Variants in TMED1 observed in about 807,000 individuals in gnomAD.
The protein encoded by TMED1 is transmembrane p24 trafficking protein 1.
TMED1 carries 20 observed loss-of-function variants against 21.2 expected under a neutral mutation model. That is an observed-to-expected ratio of 0.95 (90% CI 0.67 to 1.37). The LOEUF is 1.37. Among genes scored for constraint, TMED1 ranks in the 40% most tolerant of loss-of-function variants. The probability of loss-of-function intolerance (pLI) is 0.00; values close to 1 mark genes in which losing one functional copy is unlikely to be tolerated. For synonymous variants in TMED1, 149 were observed against 134.7 expected (o/e 1.11, Z -0.74); for missense variants, 316 against 309.8 (o/e 1.02, Z -0.15).
Position 10,835,271 on chromosome 19 carries a change from G to T in TMED1, c.266C>A (p.Ala89Asp), listed in dbSNP as rs201353550. Residue 89 changes from alanine (A) to aspartate (D), a missense_variant, in exon 2 of 4, where the codon GCT (alanine) becomes GAT (aspartate). By Grantham distance (126) the Ala-to-Asp change is moderately radical. Coordinates refer to ENST00000214869, the MANE Select transcript of TMED1 (RefSeq NM_006858.4). ...GVLLVSESRK[A>D]DGVHTVEPTE... ...CTGAACTCACGTGTGTACCCCATCA[G>T]CCTTGCGGGACTCGCTGACCAACAG... The T allele has an allele frequency of 2.5e-6, 4 of 1,614,128 alleles. No individual in the cohort carries two copies. The highest frequency in any genetic ancestry group is 3.4e-6 in the Non-Finnish European group (4 of 1,180,026).
At chr19:10,834,454 CTTTTTTT>C (rs769963664) in intron 3 of TMED1, among the ~76,000 whole-genome samples, 7 of 119,652 alleles carry the variant, frequency 5.9e-5, no homozygotes, top group African/African-American at 1.2e-4. Flanking sequence ...AAATGAACTA[CTTTTTTT>C]TTTTTTTTTT....
In TMED1 at chr19:10,832,192, A is replaced by T; in HGVS notation, c.*803T>A. On this transcript the variant is annotated 3_prime_UTR_variant, in exon 4 of 4. Transcript: ENST00000214869. ...GGTGAAGCGGGGACCCCAGCGCTCC[A>T]CCCCCTTCCTACCCTCAGGCCCTGC... The T allele has an allele frequency of 1.0e-6, 1 of 975,884 alleles. No individual in the cohort carries two copies. The highest frequency in any genetic ancestry group is 1.4e-6 in the Non-Finnish European group (1 of 705,182). 60.5% of individuals were successfully genotyped at this position (975,884 alleles called of 1,614,324 possible). A position where few individuals can be genotyped will look rare whatever the true frequency, so the allele number is the denominator to read the frequency against.
chr19:10,832,520 C>A lies in TMED1; in HGVS notation c.*475G>T. On this transcript the variant is annotated 3_prime_UTR_variant, in exon 4 of 4. Coordinates refer to ENST00000214869, the MANE Select transcript of TMED1 (RefSeq NM_006858.4). ...TAGGAGGCTTCTGCCTAGACTTTGGCCGGGCCATCCCTCATGCCTGTGTGG... is the reference window on the plus strand; with the variant it reads ...TAGGAGGCTTCTGCCTAGACTTTGGACGGGCCATCCCTCATGCCTGTGTGG... 1 of 562,196 alleles carries A rather than the reference C, an allele frequency of 1.8e-6. No homozygotes were observed. The highest frequency in any genetic ancestry group is 2.8e-6 in the Non-Finnish European group (1 of 355,018). The allele number at this position is 562,196 out of a possible 1,614,324, so 34.8% of individuals were successfully genotyped here.
rs1442471583 is a variant in TMED1 at position 10,832,920 on chromosome 19, G to A, written c.*75C>T. The stretch of plus-strand genomic sequence containing the variant: ...CGTTTTGGCAGGAAACTAAAATTGG[G>A]GAGGGACCCCCAAGTCTCATATGCA... On this transcript the variant is annotated 3_prime_UTR_variant, in exon 4 of 4. Coordinates refer to ENST00000214869, the MANE Select transcript of TMED1 (RefSeq NM_006858.4). The A allele has an allele frequency of 6.5e-7, 1 of 1,540,736 alleles. No homozygotes were observed. The highest frequency in any genetic ancestry group is 1.1e-5 in the South Asian group (1 of 87,230).
chr19:10,835,930 T>C, intron 1 of TMED1, 79 bp downstream of exon 1: 1 of 1,479,316 alleles, frequency 6.8e-7, no homozygotes, highest in South Asian at 1.3e-5. Flanking sequence ...CCCTTCCTCC[T>C]AAAGCGCGCC....
intron 1 of TMED1, chr19:10,835,607 C>T: frequency 1.4e-6 from 2 of 1,415,778 alleles, no homozygotes; most frequent in Non-Finnish European, 1.8e-6. Context: ...GTTTACCTGA[C>T]CACGCCCCTG....
chr19:10,835,837 C>G, intron 1 of TMED1, 172 bp downstream of exon 1: 1 of 982,230 alleles, frequency 1.0e-6, no homozygotes, highest in Non-Finnish European at 1.2e-6. Context: ...ACTCCCTCCC[C>G]TTCCGCTCCC....
chr19:10,834,855 G>C, intron 3 of TMED1, 79 bp downstream of exon 3: 1 of 1,497,072 alleles, frequency 6.7e-7, no homozygotes, highest in Non-Finnish European at 9.1e-7. Context: ...CGGAGGGGAG[G>C]CTGGGTCAGC....
rs764948140 is a variant in TMED1 at position 10,835,309 on chromosome 19, G to A, written c.228C>T (p.Ser76=). Residue 76 remains serine (S), a synonymous_variant, in exon 2 of 4, where the codon AGC becomes AGT. Transcript: ENST00000214869. ...AGLDVDFTLE[S]PQGVLLVSES... is the part of the protein sequence containing the mutation. The stretch of plus-strand genomic sequence containing the variant: ...CGCTGACCAACAGCACGCCCTGAGG[G>A]CTCTCCAGCGTGAAGTCCACGTCCA... The A allele has an allele frequency of 1.2e-6, 2 of 1,613,900 alleles. No homozygotes were observed. Among genetic ancestry groups the A allele is most frequent in the Non-Finnish European group, 1.7e-6 (2 of 1,179,942 alleles).
chr19:10,834,927 G>A lies in TMED1; in HGVS notation c.465+7C>T. On this transcript the variant is annotated splice_region_variant and intron_variant, in intron 3 of 3. Coordinates refer to ENST00000214869, the MANE Select transcript of TMED1 (RefSeq NM_006858.4). The stretch of plus-strand genomic sequence containing the variant: ...GAAGGAGTGGCCCCAGCGCAGCCTG[G>A]ACACACCTTGATGTCCTCCATTTTA... 1.2e-6 allele frequency: 2 copies of A among 1,612,942 alleles called. No homozygotes were observed. The highest frequency in any genetic ancestry group is 1.7e-6 in the Non-Finnish European group (2 of 1,179,306).
At chr19:10,833,274 A>T (rs2073383285) in intron 3 of TMED1, 61 bp from the exon 4 acceptor site, 1 of 1,420,084 alleles carries the variant, frequency 7.0e-7, no homozygotes, top group Middle Eastern at 1.8e-4. Context: ...AGCAGAGACC[A>T]AAAAAACCGG....
At position 10,833,231 on chromosome 19, in the gene TMED1, G is replaced by A. The variant is rs752250165; in HGVS notation, c.466-18C>T. 1 of 1,594,706 alleles carries A rather than the reference G, an allele frequency of 6.3e-7. No homozygotes were observed. The highest frequency in any genetic ancestry group is 8.5e-7 in the Non-Finnish European group (1 of 1,171,976). On this transcript the variant is annotated intron_variant, in intron 3 of 3. Transcript: ENST00000214869. ...ATGGACTCCTACAGGGCAGCGGGAG[G>A]GGAAGGGTCAGGCCTCCCTCCACCC...
chr19:10,832,839 G>T lies in TMED1; in HGVS notation c.*156C>A. 3.8e-6 allele frequency: 3 copies of T among 796,924 alleles called. No homozygotes were observed. The highest frequency in any genetic ancestry group is 3.4e-5 in the African/African-American group (2 of 58,108). 49.4% of individuals were successfully genotyped at this position (796,924 alleles called of 1,614,324 possible). On this transcript the variant is annotated 3_prime_UTR_variant, in exon 4 of 4. Coordinates refer to ENST00000214869, the MANE Select transcript of TMED1 (RefSeq NM_006858.4). Reference sequence around the variant, plus strand: ...TACAAGCCAGAGGTGTTCCCTGCCCGCTGAGGACGGAAGGAGACTCATGGG... The same window carrying T: ...TACAAGCCAGAGGTGTTCCCTGCCCTCTGAGGACGGAAGGAGACTCATGGG...
rs999889994 is a variant in TMED1, at chr19:10,832,428, C to T, written c.*567G>A. The T allele has an allele frequency of 1.8e-6, 2 of 1,139,276 alleles. No individual in the cohort carries two copies. The highest frequency in any genetic ancestry group is 2.3e-6 in the Non-Finnish European group (2 of 855,932). 70.6% of individuals were successfully genotyped at this position (1,139,276 alleles called of 1,614,324 possible). ...GCTGGTGTCCCTGAGCCCCAATCAG[C>T]AGGCTCTTGTGATTTTCTGACCATA... On this transcript the variant is annotated 3_prime_UTR_variant, in exon 4 of 4. Coordinates refer to ENST00000214869, the MANE Select transcript of TMED1 (RefSeq NM_006858.4).
chr19:10,832,260 G>A lies in TMED1; in HGVS notation c.*735C>T, dbSNP rs1378828880. 1 of 1,288,216 alleles carries A rather than the reference G, an allele frequency of 7.8e-7. No individual in the cohort carries two copies. Among genetic ancestry groups the A allele is most frequent in the Non-Finnish European group, 1.0e-6 (1 of 987,498 alleles). 79.8% of individuals were successfully genotyped at this position (1,288,216 alleles called of 1,614,324 possible). On this transcript the variant is annotated 3_prime_UTR_variant, in exon 4 of 4. Transcript: ENST00000214869. ...GAAGCCCAAGCCTCGTGGCCCAACT[G>A]GGGCTCAGTTAAACTTTGCTTTCTG...
At chr19:10,833,280 A>T (rs2073383310) in intron 3 of TMED1, 67 bp from the exon 4 acceptor site, 1 of 1,361,112 alleles carries the variant, frequency 7.3e-7, no homozygotes, top group Non-Finnish European at 1.0e-6. Context: ...GACCAAAAAA[A>T]CCGGGGGATA....
In TMED1 at chr19:10,832,205, C is replaced by T. The variant is rs2073364091; in HGVS notation, c.*790G>A. ...CCCCAGCGCTCCACCCCCTTCCTAC[C>T]CTCAGGCCCTGCTTCTCTCACCTCG... On this transcript the variant is annotated 3_prime_UTR_variant, in exon 4 of 4. Coordinates refer to ENST00000214869, the MANE Select transcript of TMED1 (RefSeq NM_006858.4). 1 of 1,092,700 alleles carries T rather than the reference C, an allele frequency of 9.2e-7. No individual in the cohort carries two copies. 67.7% of individuals were successfully genotyped at this position (1,092,700 alleles called of 1,614,324 possible).
chr19:10,835,846 CCA>C (rs1462759949), intron 1 of TMED1, 161 bp downstream of exon 1: 2 of 980,232 alleles, frequency 2.0e-6, no homozygotes, highest in Non-Finnish European at 2.4e-6. Flanking sequence ...CCTTCCGCTC[CCA>C]CACACCGTCC....
In TMED1 at chr19:10,832,848, GGAA is replaced by G; in HGVS notation, c.*144_*146del. ...GAGGTGTTCCCTGCCCGCTGAGGAC[GGAA>G]GGAGACTCATGGGGCCAGACCGCAG... On this transcript the variant is annotated 3_prime_UTR_variant, in exon 4 of 4. Transcript: ENST00000214869. The G allele has an allele frequency of 1.2e-6, 1 of 856,648 alleles. No homozygotes were observed. The highest frequency in any genetic ancestry group is 1.8e-6 in the Non-Finnish European group (1 of 554,518). 53.1% of individuals were successfully genotyped at this position (856,648 alleles called of 1,614,324 possible). A position where few individuals can be genotyped will look rare whatever the true frequency, so the allele number is the denominator to read the frequency against.
Sources: gnomAD v4.1 joint callset for allele counts (sites outside exome capture counted in the v4.1 genomes callset) on GRCh38, gnomAD v4.1.1 for gene constraint, MANE v1.5 for transcripts, NCBI Gene and HGNC (gene_info 2026-07-23, HGNC 2026-07-21) for gene names.